SUPT3H: variants seen among roughly 807,000 people sequenced by gnomAD.
The protein encoded by SUPT3H is transcription initiation protein SPT3 homolog.
A neutral mutation model predicts 44.3 loss-of-function variants in SUPT3H; 44 were observed. That is an observed-to-expected ratio of 0.99 (90% CI 0.78 to 1.28). The LOEUF (loss-of-function observed/expected upper bound fraction) is 1.28, where lower values mean the gene tolerates loss of function less well. Ranked by LOEUF, SUPT3H falls within the 50% of genes most tolerant of loss-of-function variation. The probability of loss-of-function intolerance (pLI) is 0.00; values close to 1 mark genes in which losing one functional copy is unlikely to be tolerated. For missense variants in SUPT3H, 380 were observed against 387.1 expected, an observed-to-expected ratio of 0.98 and a Z score of 0.15; for synonymous variants, 124 against 125.6, an observed-to-expected ratio of 0.99 and a Z score of 0.09.
At chr6:45,253,554 G>A (rs987756771) in intron 2 of SUPT3H, among the ~76,000 whole-genome samples, 3 of 152,034 alleles carry the variant, frequency 2.0e-5, no homozygotes, top group Non-Finnish European at 4.4e-5. Flanking sequence ...ACTTTGGGAG[G>A]CTGAAGTGGG....
intron 2 of SUPT3H, among the ~76,000 whole-genome samples, chr6:45,192,369 C>G (rs1815284860): frequency 6.6e-6 from 1 of 152,024 alleles, no homozygotes; most frequent in Non-Finnish European, 1.5e-5. Flanking sequence ...AAGCAAAAAT[C>G]TGATTAAGCA....
At chr6:45,363,138 T>C (rs1303524677) in intron 2 of SUPT3H, among the ~76,000 whole-genome samples, 1 of 152,192 alleles carries the variant, frequency 6.6e-6, no homozygotes, top group Non-Finnish European at 1.5e-5. Context: ...ACAGGCCATA[T>C]AGTCTCTGTC....
intron 2 of SUPT3H, among the ~76,000 whole-genome samples, chr6:45,113,079 G>T (rs1437255090): frequency 6.8e-6 from 1 of 147,110 alleles, no homozygotes; most frequent in Non-Finnish European, 1.5e-5. Context: ...AAGGCTCTGG[G>T]TAACTTGCTG....
chr6:45,318,148 G>A lies in SUPT3H; in HGVS notation c.101+47053C>T, dbSNP rs78502836. ...TACTATAGACAGAGTAAAAAGATCCGTTGTCACAATGGTTAAGATAGTAAA... is the reference window on the plus strand; with the variant it reads ...TACTATAGACAGAGTAAAAAGATCCATTGTCACAATGGTTAAGATAGTAAA... On this transcript the variant is annotated intron_variant, in intron 2 of 10. Transcript: ENST00000371459. Among the ~76,000 whole-genome samples, 812 of 152,066 alleles carry A rather than the reference G, an allele frequency of 5.3e-3. 29 individuals are homozygous for A. The highest frequency in any genetic ancestry group is 4.2e-3 in the East Asian group (22 of 5,184).
Position 44,886,934 on chromosome 6 carries a change from T to C in SUPT3H, c.912+45719A>G, listed in dbSNP as rs967382649. Among the ~76,000 whole-genome samples the C allele has an allele frequency of 2.3e-3, 343 of 151,972 alleles. 2 individuals are homozygous for C. The highest frequency in any genetic ancestry group is 7.7e-3 in the African/African-American group (320 of 41,460). On this transcript the variant is annotated intron_variant, in intron 10 of 10. Coordinates refer to ENST00000371459, the MANE Select transcript of SUPT3H (RefSeq NM_003599.4). ...AAGGATGGAGGAAGATCTACCAAGC[T>C]AATGGAAAACAAAAAAAGGCAGGGG... is the stretch of plus-strand genomic sequence containing the variant.
chr6:45,040,541 G>GT (rs1187133316), intron 3 of SUPT3H, among the ~76,000 whole-genome samples: 1 of 152,156 alleles, frequency 6.6e-6, no homozygotes, highest in African/African-American at 2.4e-5. Context: ...GCAAAGTCCT[G>GT]TTTTCTCCTA....
intron 11 of SUPT3H, among the ~76,000 whole-genome samples, chr6:44,821,011 T>G (rs1189346000): frequency 6.6e-6 from 1 of 152,110 alleles, no homozygotes; most frequent in Non-Finnish European, 1.5e-5. Context: ...CCACTGTGCC[T>G]GGCTACTTTT....
At chr6:44,940,666 A>G (rs1225628446) in intron 9 of SUPT3H, among the ~76,000 whole-genome samples, 2 of 152,106 alleles carry the variant, frequency 1.3e-5, no homozygotes, top group Non-Finnish European at 2.9e-5. Flanking sequence ...ATTGCTGTCT[A>G]TCTCTTTAGG....
At chr6:45,285,819 G>A (rs1038455313) in intron 2 of SUPT3H, among the ~76,000 whole-genome samples, 2 of 152,108 alleles carry the variant, frequency 1.3e-5, no homozygotes, top group African/African-American at 2.4e-5. Context: ...AAAGCTGAAG[G>A]CATCACACTA....
rs1215702870 is a variant in SUPT3H at position 45,253,588 on chromosome 6, C to T, written c.101+111613G>A. ...GGAGGATCACTTGATCCCAGTAGCT[C>T]GAGACCAGCCTGAGCAACCTAAGCA... On this transcript the variant is annotated intron_variant, in intron 2 of 10. Coordinates refer to ENST00000371459, the MANE Select transcript of SUPT3H (RefSeq NM_003599.4). 3.3e-5 allele frequency among the ~76,000 whole-genome samples: 5 copies of T among 151,892 alleles called. No individual in the cohort carries two copies. The East Asian group carries it at 5.8e-4, about 18-fold the overall frequency.
intron 2 of SUPT3H, among the ~76,000 whole-genome samples, chr6:45,279,012 T>C (rs1562854053): frequency 2.0e-5 from 3 of 152,262 alleles, no homozygotes; most frequent in East Asian, 1.9e-4. Context: ...GTTAAAATAA[T>C]TCATGAAACC....
chr6:45,365,372 C>G (rs1346314336), intron 1 of SUPT3H, 71 bp from the exon 2 acceptor site: 2 of 1,038,554 alleles, frequency 1.9e-6, no homozygotes, highest in Non-Finnish European at 2.8e-6. Flanking sequence ...AAAAAGAAAG[C>G]AAATATAAAT....
chr6:45,101,636 A>G (rs1027492366), intron 3 of SUPT3H, among the ~76,000 whole-genome samples: 2 of 152,170 alleles, frequency 1.3e-5, no homozygotes, highest in Non-Finnish European at 2.9e-5. Context: ...AATAGCTAGG[A>G]GTGGATTTTG....
intron 3 of SUPT3H, among the ~76,000 whole-genome samples, chr6:45,081,619 T>C (rs2153558630): frequency 6.6e-6 from 1 of 152,286 alleles, no homozygotes; most frequent in South Asian, 2.1e-4. Flanking sequence ...AGAGCTCCTC[T>C]GTGGCTAGAA....
rs551842004 is a variant in SUPT3H, at chr6:45,153,191, T to A, written c.102-47185A>T. On this transcript the variant is annotated intron_variant, in intron 2 of 10. Transcript: ENST00000371459. ...CCTGCTTTATTTTTCTTCCTAGGAC[T>A]TACCACTATCAGACATAATATCATG... is the stretch of plus-strand genomic sequence containing the variant. 2.6e-5 allele frequency among the ~76,000 whole-genome samples: 4 copies of A among 152,318 alleles called. No individual in the cohort carries two copies. In the South Asian group the frequency reaches 6.2e-4, roughly 24 times the overall value.
At chr6:45,233,096 G>C (rs1295338065) in intron 2 of SUPT3H, among the ~76,000 whole-genome samples, 2 of 152,098 alleles carry the variant, frequency 1.3e-5, no homozygotes, top group Non-Finnish European at 2.9e-5. Flanking sequence ...AGTCTCTCAG[G>C]TTTTAGAAAT....
intron 2 of SUPT3H, among the ~76,000 whole-genome samples, chr6:45,286,239 G>C (rs1779239557): frequency 6.6e-6 from 1 of 151,978 alleles, no homozygotes; most frequent in South Asian, 2.1e-4. Flanking sequence ...AGCCAAAATT[G>C]AGAAATGGGA....
At chr6:44,876,281 AAGAAAAT>A (rs1777235501) in intron 10 of SUPT3H, among the ~76,000 whole-genome samples, 1 of 65,166 alleles carries the variant, frequency 1.5e-5, no homozygotes, top group Non-Finnish European at 3.1e-5. Flanking sequence ...AGACTGGATT[AAGAAAAT>A]GTGGCACATA....
At chr6:44,997,425 A>G (rs946631110) in intron 6 of SUPT3H, among the ~76,000 whole-genome samples, 1 of 151,670 alleles carries the variant, frequency 6.6e-6, no homozygotes, top group African/African-American at 2.4e-5. Context: ...TATTATTCTG[A>G]TTGACACTGT....
Sources: gnomAD v4.1 joint callset for allele counts (sites outside exome capture counted in the v4.1 genomes callset) on GRCh38, gnomAD v4.1.1 for gene constraint, MANE v1.5 for transcripts, NCBI Gene and HGNC (gene_info 2026-07-23, HGNC 2026-07-21) for gene names.